Variants in GBP7 observed in about 807,000 individuals in gnomAD.
The protein encoded by GBP7 is guanylate binding protein 7.
A neutral mutation model predicts 61.3 loss-of-function variants in GBP7; 43 were observed. That is an observed-to-expected ratio of 0.70 (90% CI 0.55 to 0.91). The LOEUF is 0.91. Ranked by LOEUF, GBP7 falls within the 40% of genes least tolerant of loss-of-function variation. GBP7 has a pLI of 0.00. For missense variants in GBP7, 717 were observed against 740.5 expected (o/e 0.97, Z 0.37); for synonymous variants, 267 against 271.0 (o/e 0.99, Z 0.14).
rs747703490 is a variant in GBP7 at position 89,133,382 on chromosome 1, T to C, written c.1538A>G (p.Gln513Arg). 7 of 1,614,048 alleles carry C rather than the reference T, an allele frequency of 4.3e-6. No individual in the cohort carries two copies. In the African/African-American group the frequency reaches 5.3e-5, roughly 12 times the overall value. ...TCTCTCTTGAGCCTCCATCATTTGC[T>C]GCTGTTCCTTCTGTTTTTGTCTTAG... ...ELLRQKQKEQ[Q>R]QMMEAQERSF... is the part of the protein sequence containing the mutation. Residue 513 changes from glutamine to arginine, a missense_variant, in exon 10 of 11, where the codon CAG (glutamine) becomes CGG (arginine). Coordinates refer to ENST00000294671, the MANE Select transcript of GBP7 (RefSeq NM_207398.3).
intron 8 of GBP7, 26 bp from the exon 9 acceptor site, chr1:89,141,674 C>G: frequency 6.4e-7 from 1 of 1,570,232 alleles, no homozygotes; most frequent in South Asian, 1.1e-5. Context: ...GGAGCAAAGA[C>G]CTGTCAGGCA....
At chr1:89,166,466 A>G (rs1471472365) in intron 2 of GBP7, among the ~76,000 whole-genome samples, 1 of 152,200 alleles carries the variant, frequency 6.6e-6, no homozygotes, top group Non-Finnish European at 1.5e-5. Flanking sequence ...TTTGTTAGTA[A>G]CAGAACCCAC....
At chr1:89,140,558 G>T (rs375111099) in intron 9 of GBP7, among the ~76,000 whole-genome samples, 3 of 152,000 alleles carry the variant, frequency 2.0e-5, no homozygotes, top group Non-Finnish European at 4.4e-5. Flanking sequence ...ACAGATGCTG[G>T]CAAGGTTGCC....
At position 89,152,418 on chromosome 1, in the gene GBP7, T is replaced by C. The variant is rs1394685968; in HGVS notation, c.475A>G (p.Arg159Gly). The C allele has an allele frequency of 6.2e-7, 1 of 1,614,248 alleles. No individual in the cohort carries two copies. The highest frequency in any genetic ancestry group is 1.1e-5 in the South Asian group (1 of 91,082). The change falls in exon 5 of 11, where the codon AGA becomes GGA. Residue 159 changes from arginine to glycine, a missense_variant. This residue lies in a region of GBP7 where 387 missense variants were observed against 385.2 expected (regional missense o/e 1.00). Transcript: ENST00000294671. ...TELIRAKSCPRPDEVEDSSEF... is the reference protein window; with the variant it reads ...TELIRAKSCPGPDEVEDSSEF... ...CTGGAGTCCTCAACTTCATCAGGTC[T>C]GGGGCACGATTTTGCCCTGATTAGC...
At position 89,132,386 on chromosome 1, in the gene GBP7, A is replaced by C; in HGVS notation, c.1680T>G (p.Leu560=). 1 of 1,610,010 alleles carries C rather than the reference A, an allele frequency of 6.2e-7. No individual in the cohort carries two copies. Among genetic ancestry groups the C allele is most frequent in the Non-Finnish European group, 8.5e-7 (1 of 1,178,500 alleles). Residue 560 remains leucine (L), a synonymous_variant, in exon 11 of 11, where the codon CTT becomes CTG. Transcript: ENST00000294671. Reference sequence around the variant, plus strand: ...CAAATATCTCTTTAAATCCTTCAGTAAGCAGTTCTTCTAGGACCTATAAAA... The same window carrying C: ...CAAATATCTCTTTAAATCCTTCAGTCAGCAGTTCTTCTAGGACCTATAAAA... ...SHKMKVLEEL[L]TEGFKEIFES... is the part of the protein sequence containing the mutation.
intron 3 of GBP7, among the ~76,000 whole-genome samples, chr1:89,162,145 G>T (rs1487180874): frequency 2.0e-5 from 3 of 149,454 alleles, no homozygotes; most frequent in Non-Finnish European, 4.4e-5. Flanking sequence ...GTCTGTTTTT[G>T]TACCAGTTCC....
chr1:89,156,647 C>G (rs866943640), intron 3 of GBP7, among the ~76,000 whole-genome samples: 1 of 152,112 alleles, frequency 6.6e-6, no homozygotes, highest in Non-Finnish European at 1.5e-5. Flanking sequence ...AATTCAACAA[C>G]AAGAGCTAAC....
intron 7 of GBP7, 30 bp downstream of exon 7, chr1:89,149,262 A>G (rs952048498): frequency 6.4e-7 from 1 of 1,567,580 alleles, no homozygotes; most frequent in African/African-American, 1.4e-5. Context: ...AAAGGCAGGA[A>G]TCAAGAAAAA....
chr1:89,135,703 T>G (rs142612967), intron 9 of GBP7, among the ~76,000 whole-genome samples: 70 of 152,240 alleles, frequency 4.6e-4, no homozygotes, highest in African/African-American at 1.6e-3. Flanking sequence ...GCATTAAACA[T>G]GAAAATGAAA....
chr1:89,171,207 G>T (rs1312055406), intron 2 of GBP7, among the ~76,000 whole-genome samples: 1 of 152,136 alleles, frequency 6.6e-6, no homozygotes, highest in African/African-American at 2.4e-5. Context: ...CCTGAATGAT[G>T]AAACTGAAGA....
At position 89,132,420 on chromosome 1, in the gene GBP7, G is replaced by A. The variant is rs1440339430; in HGVS notation, c.1663-17C>T. The A allele has an allele frequency of 2.6e-6, 4 of 1,552,648 alleles. No individual in the cohort carries two copies. Among genetic ancestry groups the A allele is most frequent in the Admixed American group, 2.2e-5 (1 of 45,926 alleles). ...TTCTAGGACCTATAAAAGTAAAAGA[G>A]CCTACTTTTGAAAATCCCCAATTTT... On this transcript the variant is annotated splice_polypyrimidine_tract_variant and intron_variant, in intron 10 of 10. Coordinates refer to ENST00000294671, the MANE Select transcript of GBP7 (RefSeq NM_207398.3).
intron 2 of GBP7, among the ~76,000 whole-genome samples, chr1:89,165,268 G>A (rs1315002495): frequency 2.0e-5 from 3 of 152,112 alleles, no homozygotes; most frequent in African/African-American, 7.2e-5. Context: ...TTGGGAGGCC[G>A]AGGCAGGTGA....
chr1:89,163,677 A>AAT (rs1403640331), intron 3 of GBP7, among the ~76,000 whole-genome samples: 6 of 152,124 alleles, frequency 3.9e-5, no homozygotes, highest in African/African-American at 1.4e-4. Flanking sequence ...GACTGCACTT[A>AAT]ATACTATAAA....
At chr1:89,135,903 G>A (rs115242083) in intron 9 of GBP7, among the ~76,000 whole-genome samples, 2 of 152,094 alleles carry the variant, frequency 1.3e-5, no homozygotes, top group African/African-American at 2.4e-5. Flanking sequence ...AACTGTCTTC[G>A]ATGTTCAAGA....
rs1682139521 is a variant in GBP7 at position 89,149,349 on chromosome 1, T to G, written c.1095A>C (p.Ala365=). The G allele has an allele frequency of 6.2e-7, 1 of 1,614,022 alleles. No homozygotes were observed. The highest frequency in any genetic ancestry group is 1.3e-5 in the African/African-American group (1 of 74,926). Residue 365 remains alanine, a synonymous_variant, in exon 7 of 11, where the codon GCA becomes GCC. Transcript: ENST00000294671. ...CTTTGAAGGAGTACTCCATGAAGACTGCAATGGCTTCCCTCTCACAAACTG... is the reference window on the plus strand; with the variant it reads ...CTTTGAAGGAGTACTCCATGAAGACGGCAATGGCTTCCCTCTCACAAACTG... ...VHAVCEREAI[A]VFMEYSFKDK...
At chr1:89,155,808 C>G (rs1682304538) in intron 3 of GBP7, among the ~76,000 whole-genome samples, 1 of 152,162 alleles carries the variant, frequency 6.6e-6, no homozygotes. Flanking sequence ...GGAGAACTTC[C>G]CCAACCTAGC....
chr1:89,154,691 C>A (rs1682273783), intron 3 of GBP7, among the ~76,000 whole-genome samples: 1 of 149,468 alleles, frequency 6.7e-6, no homozygotes. Context: ...TAAGTTCAGG[C>A]TTACCCCCAA....
At chr1:89,168,985 CAAAA>C (rs984830992) in intron 2 of GBP7, among the ~76,000 whole-genome samples, 2 of 76,846 alleles carry the variant, frequency 2.6e-5, no homozygotes, top group African/African-American at 8.1e-5. Context: ...AAAAAAAAAA[CAAAA>C]AACAAAAAAA....
intron 7 of GBP7, 147 bp from the exon 8 acceptor site, chr1:89,147,926 C>T: frequency 2.6e-6 from 2 of 758,392 alleles, no homozygotes; most frequent in South Asian, 3.5e-5. Flanking sequence ...TGTTTTAGTT[C>T]CAGTTCTGGT....
Sources: allele counts gnomAD v4.1 joint callset (sites outside exome capture counted in the v4.1 genomes callset), GRCh38; gene constraint gnomAD v4.1.1; regional missense constraint gnomAD v4.1.1; transcripts MANE v1.5; gene names NCBI Gene and HGNC (gene_info 2026-07-23, HGNC 2026-07-21).